PTPRO: variants seen among roughly 807,000 people sequenced by gnomAD.
PTPRO encodes protein tyrosine phosphatase receptor type O.
Under a neutral mutation model 145.2 loss-of-function variants are expected in PTPRO, and 62 were observed. That is an observed-to-expected ratio of 0.43 (90% CI 0.35 to 0.53). PTPRO has a LOEUF of 0.53. Ranked by LOEUF, PTPRO falls within the 20% of genes least tolerant of loss-of-function variation. The pLI, the probability that PTPRO is intolerant of heterozygous loss-of-function variation, is 0.01. For synonymous variants in PTPRO, 565 were observed against 514.7 expected, an observed-to-expected ratio of 1.10 and a Z score of -1.32; for missense variants, 1,345 against 1,482.7, an observed-to-expected ratio of 0.91 and a Z score of 1.53.
chr12:15,387,206 T>G (rs1939053351), intron 1 of PTPRO, among the ~76,000 whole-genome samples: 1 of 152,148 alleles, frequency 6.6e-6, no homozygotes, highest in Non-Finnish European at 1.5e-5. Flanking sequence ...TGAAATTCAT[T>G]TACTCAGTGA....
At chr12:15,582,748 A>G (rs2300291) in intron 23 of PTPRO, among the ~76,000 whole-genome samples, 108,867 of 152,000 alleles carry the variant, frequency 0.72, 40,192 homozygotes, top group South Asian at 0.81. Context: ...TTTGGTTTTC[A>G]TTATTTGTAA....
chr12:15,345,293 A>G (rs1212685507), intron 1 of PTPRO, among the ~76,000 whole-genome samples: 1 of 152,238 alleles, frequency 6.6e-6, no homozygotes, highest in African/African-American at 2.4e-5. Context: ...AAGATACTAT[A>G]AAGACACATG....
At position 15,440,268 on chromosome 12, in the gene PTPRO, G is replaced by C. The variant is rs185531020; in HGVS notation, c.76-43706G>C. ...TTTGATGCCATCTCTAAGACCTACA[G>C]CTACCTGACCCCCAACCTCCGGAAG... On this transcript the variant is annotated intron_variant, in intron 1 of 26. Coordinates refer to ENST00000281171, the MANE Select transcript of PTPRO (RefSeq NM_030667.3). 397 of 604,594 alleles carry C rather than the reference G, an allele frequency of 6.6e-4. 2 individuals carry two copies. The East Asian group carries it at 1.0e-2, about 15-fold the overall frequency. 37.5% of individuals were successfully genotyped at this position (604,594 alleles called of 1,614,324 possible).
chr12:15,444,888 T>C (rs1441804528), intron 1 of PTPRO, among the ~76,000 whole-genome samples: 3 of 152,144 alleles, frequency 2.0e-5, no homozygotes, highest in Non-Finnish European at 2.9e-5. Context: ...GACTTATAAG[T>C]AGTTTTCACA....
chr12:15,447,771 A>G (rs1940939271), intron 1 of PTPRO, among the ~76,000 whole-genome samples: 1 of 152,044 alleles, frequency 6.6e-6, no homozygotes, highest in African/African-American at 2.4e-5. Flanking sequence ...AACAAAAAGG[A>G]CAATTATAGG....
At chr12:15,548,644 A>C (rs939590247) in intron 13 of PTPRO, among the ~76,000 whole-genome samples, 1 of 152,190 alleles carries the variant, frequency 6.6e-6, no homozygotes, top group African/African-American at 2.4e-5. Context: ...GACCATTTAC[A>C]CATTCATCAA....
At chr12:15,390,082 G>A (rs1333640841) in intron 1 of PTPRO, among the ~76,000 whole-genome samples, 3 of 152,208 alleles carry the variant, frequency 2.0e-5, no homozygotes, top group Non-Finnish European at 2.9e-5. Context: ...CCAAGAGCAA[G>A]TGTTGCTCAA....
chr12:15,578,939 A>C lies in PTPRO; in HGVS notation c.2916A>C (p.Leu972=), dbSNP rs1565442310. The change falls in exon 20 of 27, where the codon CTA becomes CTC. Residue 972 remains leucine, a synonymous_variant. Coordinates refer to ENST00000281171, the MANE Select transcript of PTPRO (RefSeq NM_030667.3). ...NRCKNRYTNI[L]PYDFSRVRLV... ...GTAAAAACCGTTACACAAACATCCTACCATGTAAGATCGTCAATTGTGCCA... is the reference window on the plus strand; with the variant it reads ...GTAAAAACCGTTACACAAACATCCTCCCATGTAAGATCGTCAATTGTGCCA... 6.3e-7 allele frequency: 1 copy of C among 1,579,162 alleles called. No homozygotes were observed. Among genetic ancestry groups the C allele is most frequent in the Non-Finnish European group, 8.7e-7 (1 of 1,148,288 alleles).
intron 14 of PTPRO, 33 bp from the exon 15 acceptor site, chr12:15,551,518 C>T: frequency 6.2e-7 from 1 of 1,610,344 alleles, no homozygotes; most frequent in South Asian, 1.1e-5. Flanking sequence ...TGTAAGAGAA[C>T]CTATGATGAA....
intron 1 of PTPRO, among the ~76,000 whole-genome samples, chr12:15,450,477 A>G (rs2136377417): frequency 6.6e-6 from 1 of 152,282 alleles, no homozygotes; most frequent in African/African-American, 2.4e-5. Context: ...TGTTTCATTT[A>G]ATTCTTAAAG....
intron 6 of PTPRO, 25 bp downstream of exon 6, chr12:15,504,094 C>T (rs754398206): frequency 3.3e-5 from 53 of 1,593,088 alleles, no homozygotes; most frequent in Non-Finnish European, 4.2e-5. Flanking sequence ...GATCATTTTA[C>T]ACTTACTGGG....
intron 2 of PTPRO, among the ~76,000 whole-genome samples, chr12:15,493,275 GATAAA>G (rs1864715123): frequency 6.6e-6 from 1 of 151,854 alleles, no homozygotes; most frequent in African/African-American, 2.4e-5. Flanking sequence ...TAAGAATAAA[GATAAA>G]ATAAAGAAAT....
chr12:15,335,230 T>C (rs1866723589), intron 1 of PTPRO, among the ~76,000 whole-genome samples: 1 of 152,114 alleles, frequency 6.6e-6, no homozygotes, highest in Non-Finnish European at 1.5e-5. Flanking sequence ...CTTAAAATTC[T>C]TAGATTTTTA....
chr12:15,436,461 G>A, intron 1 of PTPRO, among the ~76,000 whole-genome samples: 1 of 152,326 alleles, frequency 6.6e-6, no homozygotes, highest in Non-Finnish European at 1.5e-5. Flanking sequence ...GCATCCAGTT[G>A]ATAAAAGTGA....
At chr12:15,518,047 G>A (rs984777635) in intron 9 of PTPRO, among the ~76,000 whole-genome samples, 13 of 152,154 alleles carry the variant, frequency 8.5e-5, no homozygotes, top group African/African-American at 2.9e-4. Flanking sequence ...CAGAGGGCAT[G>A]AGGTCCCTGC....
intron 6 of PTPRO, among the ~76,000 whole-genome samples, chr12:15,505,667 G>A (rs181847144): frequency 3.3e-5 from 5 of 152,222 alleles, no homozygotes; most frequent in South Asian, 2.1e-4. Flanking sequence ...AATGGATACC[G>A]CAGACATAAA....
chr12:15,551,469 G>A lies in PTPRO; in HGVS notation c.2438-82G>A, dbSNP rs1250699878. The A allele has an allele frequency of 3.9e-6, 6 of 1,543,052 alleles. No individual in the cohort carries two copies. The Admixed American group carries it at 5.0e-5, about 13-fold the overall frequency. On this transcript the variant is annotated intron_variant, in intron 14 of 26. Coordinates refer to ENST00000281171, the MANE Select transcript of PTPRO (RefSeq NM_030667.3). ...ATCATCGTAAGCTCACTGCCCTTAA[G>A]ACTAGATGAAAAGCAATGAATGGTT...
At chr12:15,357,894 C>A (rs1938047413) in intron 1 of PTPRO, among the ~76,000 whole-genome samples, 1 of 149,480 alleles carries the variant, frequency 6.7e-6, no homozygotes, top group African/African-American at 2.5e-5. Context: ...GGGTATATAC[C>A]CAAAGGACTA....
At chr12:15,413,287 G>T in intron 1 of PTPRO, among the ~76,000 whole-genome samples, 1 of 152,026 alleles carries the variant, frequency 6.6e-6, no homozygotes, top group Non-Finnish European at 1.5e-5. Context: ...TATAGATATG[G>T]GGTTTCACCA....
Sources: allele counts gnomAD v4.1 joint callset (sites outside exome capture counted in the v4.1 genomes callset), GRCh38; gene constraint gnomAD v4.1.1; transcripts MANE v1.5; gene names NCBI Gene and HGNC (gene_info 2026-07-23, HGNC 2026-07-21).